CDH18: variants seen among roughly 807,000 people sequenced by gnomAD.
The protein encoded by CDH18 is cadherin-18.
In CDH18, 31 loss-of-function variants were observed where a neutral mutation model predicts 67.9. The observed-to-expected ratio is 0.46, with a 90% CI of 0.34 to 0.62. CDH18 has a LOEUF of 0.62. CDH18 is among the 20% of genes least tolerant of loss of function. CDH18 has a pLI of 0.01. For missense variants in CDH18, 890 were observed against 975.5 expected (o/e 0.91, Z 1.17); for synonymous variants, 362 against 347.2 (o/e 1.04, Z -0.48).
At chr5:20,504,469 T>A (rs1343750284) in intron 1 of CDH18, among the ~76,000 whole-genome samples, 1 of 152,214 alleles carries the variant, frequency 6.6e-6, no homozygotes, top group Non-Finnish European at 1.5e-5. Flanking sequence ...ATATTTTGAG[T>A]ATTCGCCTTG....
At chr5:19,987,531 G>A (rs1459359257) in intron 1 of CDH18, among the ~76,000 whole-genome samples, 12 of 151,110 alleles carry the variant, frequency 7.9e-5, no homozygotes, top group African/African-American at 2.7e-4. Flanking sequence ...AGGGATTCGT[G>A]GGAAGAAAAA....
At chr5:20,385,372 T>C (rs1000832131) in intron 1 of CDH18, among the ~76,000 whole-genome samples, 2 of 152,118 alleles carry the variant, frequency 1.3e-5, no homozygotes, top group Non-Finnish European at 2.9e-5. Context: ...GATCTAATAG[T>C]TCTGAGCTCC....
At chr5:20,451,416 T>C (rs1020605070) in intron 1 of CDH18, among the ~76,000 whole-genome samples, 9 of 152,114 alleles carry the variant, frequency 5.9e-5, no homozygotes, top group Non-Finnish European at 4.4e-5. Context: ...TGGGGAAAAA[T>C]ACTGCACTGA....
intron 3 of CDH18, among the ~76,000 whole-genome samples, chr5:19,761,918 A>G (rs1458611346): frequency 6.6e-6 from 1 of 152,190 alleles, no homozygotes; most frequent in Non-Finnish European, 1.5e-5. Flanking sequence ...AACAGAACAG[A>G]GCCCTCAGAA....
chr5:19,678,517 C>A (rs902138690), intron 5 of CDH18, among the ~76,000 whole-genome samples: 2 of 151,886 alleles, frequency 1.3e-5, no homozygotes, highest in African/African-American at 4.8e-5. Context: ...TTAATGCCTA[C>A]ATCAAAGAGC....
chr5:20,348,572 G>A (rs1440879644), intron 1 of CDH18, among the ~76,000 whole-genome samples: 1 of 152,148 alleles, frequency 6.6e-6, no homozygotes, highest in Non-Finnish European at 1.5e-5. Context: ...AGACAGAAAC[G>A]TTGATCAAGT....
chr5:19,730,856 T>C (rs1211949316), intron 4 of CDH18, among the ~76,000 whole-genome samples: 2 of 151,694 alleles, frequency 1.3e-5, no homozygotes, highest in African/African-American at 4.8e-5. Flanking sequence ...AGAATACATA[T>C]ATTAGCCATT....
chr5:19,592,062 T>C (rs1285077235), intron 6 of CDH18, among the ~76,000 whole-genome samples: 1 of 152,048 alleles, frequency 6.6e-6, no homozygotes, highest in Non-Finnish European at 1.5e-5. Flanking sequence ...ATGATAGTAT[T>C]CAACAGACAA....
Position 20,264,888 on chromosome 5 carries a change from T to C in CDH18, c.-579-9383A>G, listed in dbSNP as rs185277136. Among the ~76,000 whole-genome samples, 494 of 152,208 alleles carry C rather than the reference T, an allele frequency of 3.2e-3. 6 individuals are homozygous for C. Among genetic ancestry groups the C allele is most frequent in the Middle Eastern group, 3.4e-3 (1 of 292 alleles). ...TCAAGCACAGTCTAAATTCTCCATT[T>C]TACTGGTTGACAAATCTATTGTGGT... On this transcript the variant is annotated intron_variant, in intron 1 of 14. Transcript: ENST00000507958.
At chr5:20,038,670 A>G (rs574680955) in intron 2 of CDH18, among the ~76,000 whole-genome samples, 2 of 152,254 alleles carry the variant, frequency 1.3e-5, no homozygotes, top group Admixed American at 6.5e-5. Context: ...CTCTTAATAA[A>G]CTAGGTATTG....
chr5:19,675,468 G>A (rs1270801116), intron 5 of CDH18, among the ~76,000 whole-genome samples: 10 of 152,106 alleles, frequency 6.6e-5, no homozygotes, highest in East Asian at 3.9e-4. Context: ...CCTTAGGAAC[G>A]CATTCTCTTT....
At chr5:19,881,635 C>T (rs530433820) in intron 2 of CDH18, among the ~76,000 whole-genome samples, 21 of 151,520 alleles carry the variant, frequency 1.4e-4, no homozygotes, top group East Asian at 5.9e-4. Context: ...CAGCCTTCCA[C>T]GTACCTGATT....
At position 20,144,807 on chromosome 5, in the gene CDH18, G is replaced by A. The variant is rs78320163; in HGVS notation, c.-518+110637C>T. Among the ~76,000 whole-genome samples the A allele has an allele frequency of 1.6e-4, 24 of 152,234 alleles. No homozygotes were observed. The East Asian group carries it at 4.1e-3, about 26-fold the overall frequency. ...TAATCCAGTTAAAATGAAGTGATTA[G>A]CATAGACTCCAAACCAAGATGACTG... On this transcript the variant is annotated intron_variant, in intron 2 of 14. Coordinates refer to the CDH18 transcript ENST00000507958.
chr5:20,045,149 C>A (rs545278893), intron 2 of CDH18, among the ~76,000 whole-genome samples: 1 of 152,200 alleles, frequency 6.6e-6, no homozygotes, highest in African/African-American at 2.4e-5. Flanking sequence ...TGTTTAGAAG[C>A]TGGTCAATTC....
Position 19,896,507 on chromosome 5 carries a change from G to A in CDH18, c.-256-57265C>T, listed in dbSNP as rs77947500. Among the ~76,000 whole-genome samples, 14 of 152,280 alleles carry A rather than the reference G, an allele frequency of 9.2e-5. No individual in the cohort carries two copies. In the East Asian group the frequency reaches 2.7e-3, roughly 29 times the overall value. Reference sequence around the variant, plus strand: ...TGATCACAGAGGAAGAGATTGGCATGCAATGACACCAGCCACTGGGAGCTG... The same window carrying A: ...TGATCACAGAGGAAGAGATTGGCATACAATGACACCAGCCACTGGGAGCTG... On this transcript the variant is annotated intron_variant, in intron 2 of 12. Coordinates refer to ENST00000382275, the MANE Select transcript of CDH18 (RefSeq NM_004934.5).
chr5:19,675,148 G>C (rs1235520833), intron 5 of CDH18, among the ~76,000 whole-genome samples: 1 of 152,034 alleles, frequency 6.6e-6, no homozygotes, highest in Non-Finnish European at 1.5e-5. Flanking sequence ...TACGAATAGG[G>C]TGTGGGTCAC....
At position 20,528,313 on chromosome 5, in the gene CDH18, T is replaced by C. The variant is rs147005435; in HGVS notation, c.-580+47149A>G. The stretch of plus-strand genomic sequence containing the variant: ...ACCACACAATAATAGTGGGAGATTT[T>C]AATACCCCACTGTTAGTATTAGACA... On this transcript the variant is annotated intron_variant, in intron 1 of 14. Coordinates refer to the CDH18 transcript ENST00000507958. Among the ~76,000 whole-genome samples, 9 of 152,184 alleles carry C rather than the reference T, an allele frequency of 5.9e-5. No homozygotes were observed. In the East Asian group the frequency reaches 1.7e-3, roughly 29 times the overall value.
At chr5:20,490,523 G>A (rs1403630605) in intron 1 of CDH18, among the ~76,000 whole-genome samples, 1 of 152,066 alleles carries the variant, frequency 6.6e-6, no homozygotes. Context: ...TGAAGATAAA[G>A]AGGAAATGTA....
chr5:19,932,345 A>G (rs1340560106), intron 2 of CDH18, among the ~76,000 whole-genome samples: 1 of 151,736 alleles, frequency 6.6e-6, no homozygotes, highest in African/African-American at 2.4e-5. Context: ...CGTGTTATTT[A>G]GCTCCTTTTT....
Sources: gnomAD v4.1 joint callset for allele counts (sites outside exome capture counted in the v4.1 genomes callset) on GRCh38, gnomAD v4.1.1 for gene constraint, MANE v1.5 for transcripts, NCBI Gene and HGNC (gene_info 2026-07-23, HGNC 2026-07-21) for gene names.